Variants in DFFB observed in about 807,000 individuals in gnomAD.
DFFB encodes DNA fragmentation factor 40 kDa subunit.
Under a neutral mutation model 32.7 loss-of-function variants are expected in DFFB, and 29 were observed. That is an observed-to-expected ratio of 0.89 (90% CI 0.66 to 1.21). The LOEUF (loss-of-function observed/expected upper bound fraction) is 1.21. DFFB is among the 50% of genes most tolerant of loss of function. DFFB has a pLI of 0.00. For synonymous variants in DFFB, 170 were observed against 177.1 expected (o/e 0.96, Z 0.32); for missense variants, 398 against 440.6 (o/e 0.90, Z 0.87).
chr1:3,869,703 T>C lies in DFFB; in HGVS notation c.609T>C (p.Asn203=), dbSNP rs771108167. ...AGAGGCTCCGGTCCATGCAGTACAATGGCAGCTACTTCGACAGAGGAGCCA... is the reference window on the plus strand; with the variant it reads ...AGAGGCTCCGGTCCATGCAGTACAACGGCAGCTACTTCGACAGAGGAGCCA... The part of the protein sequence containing the change: ...MCQRLRSMQY[N]GSYFDRGAKG... The change falls in exon 5 of 7, where the codon AAT becomes AAC. Residue 203 remains asparagine, a synonymous_variant. Coordinates refer to ENST00000378209, the MANE Select transcript of DFFB (RefSeq NM_004402.4). The C allele has an allele frequency of 3.3e-5, 53 of 1,612,746 alleles. No individual in the cohort carries two copies. Among genetic ancestry groups the C allele is most frequent in the Non-Finnish European group, 4.1e-5 (48 of 1,179,536 alleles).
At chr1:3,858,675 C>A in intron 1 of DFFB, 43 bp from the exon 2 acceptor site, 3 of 1,604,838 alleles carry the variant, frequency 1.9e-6, no homozygotes, top group Middle Eastern at 1.7e-4. Flanking sequence ...AAGCCCTCGT[C>A]TTGAGACCCT....
chr1:3,870,991 C>G (rs1369758975), intron 5 of DFFB, among the ~76,000 whole-genome samples: 1 of 152,230 alleles, frequency 6.6e-6, no homozygotes, highest in Admixed American at 6.5e-5. Context: ...AAGCTGTGGC[C>G]ATGGCACCTT....
At chr1:3,869,042 G>A (rs1292098911) in intron 4 of DFFB, among the ~76,000 whole-genome samples, 2 of 152,140 alleles carry the variant, frequency 1.3e-5, no homozygotes, top group Non-Finnish European at 2.9e-5. Context: ...TGGGATGGCC[G>A]TGCCTGCCTG....
chr1:3,857,559 A>G lies in DFFB; in HGVS notation c.-45A>G, dbSNP rs1012309881. On this transcript the variant is annotated 5_prime_UTR_variant, in exon 1 of 7. Coordinates refer to ENST00000378209, the MANE Select transcript of DFFB (RefSeq NM_004402.4). ...GGACGGATCTGAGCAGCTGGGCAGCAGGTGCCACCGCCTGTGGGACCCAGA... is the reference window on the plus strand; with the variant it reads ...GGACGGATCTGAGCAGCTGGGCAGCGGGTGCCACCGCCTGTGGGACCCAGA... 8.6e-6 allele frequency: 12 copies of G among 1,398,408 alleles called. No individual in the cohort carries two copies. Among genetic ancestry groups the G allele is most frequent in the Non-Finnish European group, 1.2e-5 (12 of 1,035,056 alleles). 86.6% of individuals were successfully genotyped at this position (1,398,408 alleles called of 1,614,324 possible). A position where few individuals can be genotyped will look rare whatever the true frequency, so the allele number is the denominator to read the frequency against.
In DFFB at chr1:3,857,737, G is replaced by A. The variant is rs899357050; in HGVS notation, c.114+20G>A. 1 of 1,455,300 alleles carries A rather than the reference G, an allele frequency of 6.9e-7. No homozygotes were observed. The highest frequency in any genetic ancestry group is 9.1e-7 in the Non-Finnish European group (1 of 1,094,494). The allele number at this position is 1,455,300 out of a possible 1,614,324, so 90.1% of individuals were successfully genotyped here. The stretch of plus-strand genomic sequence containing the variant: ...TTCCAGGTGCCCGCTGGGCTAGGCG[G>A]GGACGGCCCGTCGGGGAGGCGTGTG... On this transcript the variant is annotated intron_variant, in intron 1 of 6. Coordinates refer to ENST00000378209, the MANE Select transcript of DFFB (RefSeq NM_004402.4).
Position 3,866,003 on chromosome 1 carries a change from G to A in DFFB, c.430+3G>A, listed in dbSNP as rs777090524. On this transcript the variant is annotated splice_donor_region_variant and intron_variant, in intron 3 of 6. Transcript: ENST00000378209. Reference sequence around the variant, plus strand: ...TGAGGACCCGCCGTGGTTTGAAGGTGCGTGGGGGCTGCAGCTGGCAGGGGA... The same window carrying A: ...TGAGGACCCGCCGTGGTTTGAAGGTACGTGGGGGCTGCAGCTGGCAGGGGA... The A allele has an allele frequency of 2.8e-5, 43 of 1,549,656 alleles. No individual in the cohort carries two copies. The highest frequency in any genetic ancestry group is 2.4e-5 in the Non-Finnish European group (27 of 1,148,088).
In DFFB at chr1:3,880,376, T is replaced by C. The variant is rs562985568; in HGVS notation, c.783-3131T>C. ...CTTGGCTGATTTTCATCTGCAGCTA[T>C]AAGAAACGATAACCTTGAGTCCAAC... On this transcript the variant is annotated intron_variant, in intron 6 of 6. Coordinates refer to ENST00000378209, the MANE Select transcript of DFFB (RefSeq NM_004402.4). 8.5e-5 allele frequency among the ~76,000 whole-genome samples: 13 copies of C among 152,328 alleles called. No individual in the cohort carries two copies. In the East Asian group the frequency reaches 2.5e-3, roughly 29 times the overall value.
chr1:3,864,691 A>G (rs1644941639), intron 2 of DFFB, among the ~76,000 whole-genome samples: 1 of 151,680 alleles, frequency 6.6e-6, no homozygotes, highest in African/African-American at 2.4e-5. Context: ...ATGTGCCGCT[A>G]ATTATTATGA....
chr1:3,882,317 G>A (rs113072806), intron 6 of DFFB, among the ~76,000 whole-genome samples: 2,840 of 151,934 alleles, frequency 0.019, 79 homozygotes, highest in African/African-American at 0.064. Context: ...TCCTCTCAAA[G>A]TGTTAGAATT....
rs563331088 is a variant in DFFB, at chr1:3,868,981, G to A, written c.511-624G>A. ...CTAACTGATCCTGATACTCTTCCCT[G>A]CAAGTGCAATGACCAGGCCCTTCCA... On this transcript the variant is annotated intron_variant, in intron 4 of 6. Coordinates refer to ENST00000378209, the MANE Select transcript of DFFB (RefSeq NM_004402.4). 7.2e-5 allele frequency among the ~76,000 whole-genome samples: 11 copies of A among 152,322 alleles called. No homozygotes were observed. The South Asian group carries it at 2.3e-3, about 32-fold the overall frequency.
intron 6 of DFFB, among the ~76,000 whole-genome samples, chr1:3,878,889 G>A (rs1359916378): frequency 6.6e-6 from 1 of 152,158 alleles, no homozygotes; most frequent in Non-Finnish European, 1.5e-5. Context: ...TTACTGATGT[G>A]TAGCCCTTAG....
chr1:3,865,911 A>G lies in DFFB; in HGVS notation c.341A>G (p.Gln114Arg), dbSNP rs775646835. The change falls in exon 3 of 7, where the codon CAG becomes CGG. Residue 114 changes from glutamine to arginine, a missense_variant. Transcript: ENST00000378209. This position sits in a 1 kb window ranked among gnomAD's most constrained non-coding sequence, Gnocchi z 4.7. Reference sequence around the variant, plus strand: ...CTGCTGTGTGATGAGCAGGCCCCACAGAGGCAGAGGCTGCTGGCTGACCTC... The same window carrying G: ...CTGCTGTGTGATGAGCAGGCCCCACGGAGGCAGAGGCTGCTGGCTGACCTC... The part of the protein sequence containing the change: ...QQLLCDEQAP[Q>R]RQRLLADLLH... 6 of 1,612,246 alleles carry G rather than the reference A, an allele frequency of 3.7e-6. No individual in the cohort carries two copies. Among genetic ancestry groups the G allele is most frequent in the Non-Finnish European group, 5.1e-6 (6 of 1,178,524 alleles).
rs925350600 is a variant in DFFB at position 3,877,621 on chromosome 1, C to T, written c.782+5049C>T. On this transcript the variant is annotated intron_variant, in intron 6 of 6. Transcript: ENST00000378209. The stretch of plus-strand genomic sequence containing the variant: ...CTGGGATCACAGGTGTGAGCCACCG[C>T]GCCTGGCTGGAGTTGTTTTGAGACT... Among the ~76,000 whole-genome samples, 18 of 152,274 alleles carry T rather than the reference C, an allele frequency of 1.2e-4. 1 individual carries two copies. Among genetic ancestry groups the T allele is most frequent in the Admixed American group, 2.0e-4 (3 of 15,294 alleles).
At chr1:3,867,876 A>G in intron 3 of DFFB, 98 bp from the exon 4 acceptor site, 1 of 1,032,628 alleles carries the variant, frequency 9.7e-7, no homozygotes, top group East Asian at 2.4e-5. Flanking sequence ...TATGACCCTC[A>G]TATTCTGCCC....
chr1:3,872,329 C>T (rs1645132025), intron 5 of DFFB, 143 bp from the exon 6 acceptor site: 1 of 613,914 alleles, frequency 1.6e-6, no homozygotes, highest in Non-Finnish European at 2.9e-6. Context: ...AGGAGAATCG[C>T]TTCAACACGG....
At position 3,869,606 on chromosome 1, in the gene DFFB, T is replaced by C. The variant is rs1645068906; in HGVS notation, c.512T>C (p.Val171Ala). The change falls in exon 5 of 7, where the codon GTG becomes GCG. Residue 171 changes from valine to alanine, a missense_variant and splice_region_variant. Physicochemically the swap from Val to Ala is moderately conservative, Grantham distance 64. Transcript: ENST00000378209. ...ESRIRSYLRE[V>A]SSYPSTVGAE... The stretch of plus-strand genomic sequence containing the variant: ...ACCGACGTTCCTTGGTTCCTCCAGG[T>C]GAGCTCCTACCCCTCCACGGTGGGT... The C allele has an allele frequency of 6.2e-7, 1 of 1,607,234 alleles. No individual in the cohort carries two copies. Among genetic ancestry groups the C allele is most frequent in the Non-Finnish European group, 8.5e-7 (1 of 1,177,236 alleles).
Position 3,883,686 on chromosome 1 carries a change from T to C in DFFB, c.962T>C (p.Ile321Thr), listed in dbSNP as rs1158158897. Reference sequence around the variant, plus strand: ...AAGCTCAACTGTGACCCAAGCAGAATCTACAAACCCCAGACAAGGTTGAAG... The same window carrying C: ...AAGCTCAACTGTGACCCAAGCAGAACCTACAAACCCCAGACAAGGTTGAAG... The part of the protein sequence containing the change: ...THKLNCDPSR[I>T]YKPQTRLKRK... The change falls in exon 7 of 7, where the codon ATC (isoleucine) becomes ACC (threonine). Residue 321 changes from isoleucine to threonine, a missense_variant. By Grantham distance (89) the Ile-to-Thr change is moderately conservative. Transcript: ENST00000378209. 2.5e-6 allele frequency: 4 copies of C among 1,613,958 alleles called. No homozygotes were observed. Among genetic ancestry groups the C allele is most frequent in the African/African-American group, 1.3e-5 (1 of 74,890 alleles).
At chr1:3,872,869 C>T (rs1232748809) in intron 6 of DFFB, 18 of 1,184,910 alleles carry the variant, frequency 1.5e-5, no homozygotes, top group East Asian at 4.1e-5. Context: ...TGGTGGGCAG[C>T]GTCCTTCCCC....
At chr1:3,882,427 A>G (rs1645359141) in intron 6 of DFFB, among the ~76,000 whole-genome samples, 1 of 151,238 alleles carries the variant, frequency 6.6e-6, no homozygotes, top group Non-Finnish European at 1.5e-5. Context: ...GTGCGGTGGC[A>G]CAATCTTTCT....
Sources: allele counts gnomAD v4.1 joint callset (sites outside exome capture counted in the v4.1 genomes callset), GRCh38; gene constraint gnomAD v4.1.1; non-coding constraint Gnocchi (gnomAD v3.1); transcripts MANE v1.5; gene names NCBI Gene and HGNC (gene_info 2026-07-23, HGNC 2026-07-21).